Variants in SOX6 observed in about 807,000 individuals in gnomAD.
SOX6 encodes transcription factor SOX-6.
Under a neutral mutation model 97.8 loss-of-function variants are expected in SOX6, and 11 were observed. That is an observed-to-expected ratio of 0.11 (90% CI 0.07 to 0.19). The LOEUF (loss-of-function observed/expected upper bound fraction) is 0.19. Among genes scored for constraint, SOX6 ranks in the 10% least tolerant of loss-of-function variants. The pLI is 1.00. For synonymous variants in SOX6, 360 were observed against 371.4 expected (o/e 0.97, Z 0.35); for missense variants, 810 against 1,039.5 (o/e 0.78, Z 3.04).
chr11:16,306,818 G>T (rs1028731931), intron 3 of SOX6, among the ~76,000 whole-genome samples: 3 of 151,666 alleles, frequency 2.0e-5, no homozygotes, highest in Admixed American at 1.3e-4. Flanking sequence ...TAGAGACGGG[G>T]TTTCACCATG....
intron 3 of SOX6, among the ~76,000 whole-genome samples, chr11:16,621,176 A>G (rs938896631): frequency 1.3e-5 from 2 of 152,206 alleles, no homozygotes; most frequent in African/African-American, 4.8e-5. Context: ...AGTTATACAT[A>G]TAACAGTTAA....
At chr11:16,030,266 A>C (rs2133884081) in intron 12 of SOX6, among the ~76,000 whole-genome samples, 1 of 152,338 alleles carries the variant, frequency 6.6e-6, no homozygotes, top group Middle Eastern at 3.4e-3. Context: ...CTTAGGTTTG[A>C]AATATTAGTC....
upstream of SOX6, among the ~76,000 whole-genome samples, chr11:16,477,941 T>C (rs1860283801): frequency 6.6e-6 from 1 of 152,188 alleles, no homozygotes; most frequent in Non-Finnish European, 1.5e-5. Context: ...TACCCTTTTC[T>C]TCCTCATTGC....
At chr11:16,256,775 C>T (rs1048604254) in intron 3 of SOX6, among the ~76,000 whole-genome samples, 2 of 151,750 alleles carry the variant, frequency 1.3e-5, no homozygotes, top group Non-Finnish European at 3.0e-5. Context: ...ATGAAACTGT[C>T]TTTGATCACA....
intron 3 of SOX6, among the ~76,000 whole-genome samples, chr11:16,258,722 A>G (rs374222157): frequency 2.0e-5 from 3 of 152,032 alleles, no homozygotes; most frequent in East Asian, 3.9e-4. Flanking sequence ...ACTCTGGGTG[A>G]TAATGATGTC....
At chr11:16,619,141 A>G (rs1054933431) in intron 3 of SOX6, among the ~76,000 whole-genome samples, 8 of 151,992 alleles carry the variant, frequency 5.3e-5, no homozygotes, top group African/African-American at 1.7e-4. Flanking sequence ...GTGTGACTTT[A>G]CCAGACAATA....
chr11:16,295,069 A>C (rs1425466467), intron 3 of SOX6, among the ~76,000 whole-genome samples: 1 of 152,118 alleles, frequency 6.6e-6, no homozygotes, highest in Non-Finnish European at 1.5e-5. Flanking sequence ...AAAGGTGTGA[A>C]TAATACTGAC....
intron 1 of SOX6, among the ~76,000 whole-genome samples, chr11:16,431,133 A>G (rs908261989): frequency 6.6e-6 from 1 of 152,018 alleles, no homozygotes; most frequent in Non-Finnish European, 1.5e-5. Context: ...GTCAACTTAA[A>G]TATCACCTTA....
chr11:16,603,170 G>A (rs777651198), intron 4 of SOX6, among the ~76,000 whole-genome samples: 1 of 152,198 alleles, frequency 6.6e-6, no homozygotes, highest in South Asian at 2.1e-4. Flanking sequence ...AACAAGGGGG[G>A]AGGAGGAAGA....
At chr11:16,301,474 A>G (rs1565078349) in intron 3 of SOX6, among the ~76,000 whole-genome samples, 1 of 152,162 alleles carries the variant, frequency 6.6e-6, no homozygotes, top group Non-Finnish European at 1.5e-5. Flanking sequence ...ACACAGGTTC[A>G]TGGGCCCCAT....
intron 1 of SOX6, among the ~76,000 whole-genome samples, chr11:16,409,394 T>G (rs1322011264): frequency 6.6e-6 from 1 of 152,046 alleles, no homozygotes; most frequent in East Asian, 1.9e-4. Flanking sequence ...GTTAACAGCT[T>G]TAACATAAAT....
chr11:16,055,736 T>G lies in SOX6; in HGVS notation c.1251+16A>C. On this transcript the variant is annotated intron_variant, in intron 10 of 15. Transcript: ENST00000683767. ...TTTTTCTAAACTGTTTCCACAATGC[T>G]GCAAGGCGAGTGTACCTTAACTTGA... 2 of 1,613,558 alleles carry G rather than the reference T, an allele frequency of 1.2e-6. No homozygotes were observed. Among genetic ancestry groups the G allele is most frequent in the Non-Finnish European group, 1.7e-6 (2 of 1,179,664 alleles).
chr11:16,426,711 G>A (rs937022957), intron 1 of SOX6, among the ~76,000 whole-genome samples: 8 of 151,662 alleles, frequency 5.3e-5, no homozygotes, highest in East Asian at 1.9e-4. Context: ...TCAGGAGATC[G>A]AGACCATCCC....
intron 4 of SOX6, among the ~76,000 whole-genome samples, chr11:16,490,526 T>C (rs1318807148): frequency 1.3e-5 from 2 of 152,038 alleles, no homozygotes; most frequent in African/African-American, 4.8e-5. Context: ...ATTTTAGTTT[T>C]GGTGCAAGCA....
chr11:16,732,819 A>T (rs142319330), intron 2 of SOX6, among the ~76,000 whole-genome samples: 13,662 of 152,298 alleles, frequency 0.09, 777 homozygotes, highest in Non-Finnish European at 0.13. Flanking sequence ...AATGGGAGAA[A>T]AATTTTTGCA....
intron 3 of SOX6, among the ~76,000 whole-genome samples, chr11:16,707,913 A>G (rs1239972091): frequency 6.6e-6 from 1 of 152,176 alleles, no homozygotes; most frequent in Admixed American, 6.5e-5. Context: ...ACTGAATCTA[A>G]TATCAAAACA....
At chr11:16,651,961 T>C (rs1847659723) in intron 3 of SOX6, among the ~76,000 whole-genome samples, 1 of 152,180 alleles carries the variant, frequency 6.6e-6, no homozygotes, top group African/African-American at 2.4e-5. Flanking sequence ...AGCACTGCTA[T>C]ATACCAACAA....
chr11:16,587,086 T>C (rs982504452), intron 4 of SOX6, among the ~76,000 whole-genome samples: 1 of 152,206 alleles, frequency 6.6e-6, no homozygotes, highest in Non-Finnish European at 1.5e-5. Flanking sequence ...CACATAATAA[T>C]ATGTTCAGTT....
chr11:16,682,816 C>A (rs1413819828), intron 3 of SOX6, among the ~76,000 whole-genome samples: 4 of 152,188 alleles, frequency 2.6e-5, no homozygotes, highest in African/African-American at 9.7e-5. Flanking sequence ...TTGCAGATGA[C>A]ATGGTTGTAT....
Sources: allele counts gnomAD v4.1 joint callset (sites outside exome capture counted in the v4.1 genomes callset), GRCh38; gene constraint gnomAD v4.1.1; transcripts MANE v1.5; gene names NCBI Gene and HGNC (gene_info 2026-07-23, HGNC 2026-07-21).